Variants in CDH18 observed in about 807,000 individuals in gnomAD.
CDH18 encodes cadherin 18.
Under a neutral mutation model 67.9 loss-of-function variants are expected in CDH18, and 31 were observed. The ratio of observed to expected loss-of-function variants is 0.46; its 90% CI spans 0.34 to 0.62. The LOEUF (loss-of-function observed/expected upper bound fraction) is 0.62, where lower values mean the gene tolerates loss of function less well. Ranked by LOEUF, CDH18 falls within the 20% of genes least tolerant of loss-of-function variation. The pLI is 0.01. For missense variants in CDH18, 890 were observed against 975.5 expected (o/e 0.91, Z 1.17); for synonymous variants, 362 against 347.2 (o/e 1.04, Z -0.48).
intron 2 of CDH18, among the ~76,000 whole-genome samples, chr5:20,101,690 C>T (rs1257382611): frequency 1.3e-5 from 2 of 152,274 alleles, no homozygotes; most frequent in Admixed American, 6.5e-5. Flanking sequence ...CAAACACAGA[C>T]TAAACCATAG....
chr5:19,482,980 G>A (rs1223069478), intron 12 of CDH18, among the ~76,000 whole-genome samples: 1 of 151,998 alleles, frequency 6.6e-6, no homozygotes, highest in African/African-American at 2.4e-5. Flanking sequence ...GAATGATGCC[G>A]CTTAGATTCT....
chr5:19,548,355 T>C (rs906259534), intron 8 of CDH18, among the ~76,000 whole-genome samples: 1 of 151,904 alleles, frequency 6.6e-6, no homozygotes, highest in Non-Finnish European at 1.5e-5. Flanking sequence ...CCAGAATAAA[T>C]TGAGGCTAGA....
intron 2 of CDH18, among the ~76,000 whole-genome samples, chr5:20,062,034 C>T (rs1742532098): frequency 6.6e-6 from 1 of 151,914 alleles, no homozygotes; most frequent in African/African-American, 2.4e-5. Context: ...ATGGTGAAGG[C>T]ATTGTTATTT....
intron 1 of CDH18, among the ~76,000 whole-genome samples, chr5:20,390,994 G>C (rs1387668059): frequency 6.6e-6 from 1 of 151,950 alleles, no homozygotes; most frequent in Admixed American, 6.6e-5. Flanking sequence ...TGGGGTGGGG[G>C]AAGAGGGGAG....
intron 2 of CDH18, among the ~76,000 whole-genome samples, chr5:20,094,627 C>G (rs1352289053): frequency 1.3e-5 from 2 of 152,138 alleles, no homozygotes; most frequent in African/African-American, 4.8e-5. Flanking sequence ...TTTGTGTCCT[C>G]TCTTATTTCC....
At chr5:20,131,881 T>TTTG (rs1554094168) in intron 2 of CDH18, among the ~76,000 whole-genome samples, 8 of 152,200 alleles carry the variant, frequency 5.3e-5, no homozygotes, top group Admixed American at 2.0e-4. Flanking sequence ...AGTGTTTTTT[T>TTTG]TTGTTGTTGT....
At chr5:19,587,774 G>C (rs182950359) in intron 7 of CDH18, among the ~76,000 whole-genome samples, 6 of 151,676 alleles carry the variant, frequency 4.0e-5, no homozygotes, top group Non-Finnish European at 8.9e-5. Context: ...GGCTCTTCAG[G>C]TTTTTTGGTT....
chr5:19,502,831 A>G (rs1003147084), intron 11 of CDH18, 161 bp downstream of exon 11: 4 of 657,044 alleles, frequency 6.1e-6, no homozygotes, highest in African/African-American at 5.4e-5. Context: ...ATATGGCTCA[A>G]TTTTAAACAC....
intron 4 of CDH18, among the ~76,000 whole-genome samples, chr5:19,745,214 CA>C (rs1157491802): frequency 1.3e-5 from 2 of 152,184 alleles, no homozygotes; most frequent in African/African-American, 4.8e-5. Context: ...TTCATGCCTT[CA>C]ATCCATATAT....
intron 7 of CDH18, 55 bp downstream of exon 7, chr5:19,591,002 C>T: frequency 8.7e-7 from 1 of 1,151,646 alleles, no homozygotes. Context: ...GCCAAATTTC[C>T]ATTCAGGAAA....
chr5:19,791,257 G>A lies in CDH18; in HGVS notation c.229-44021C>T, dbSNP rs945109657. On this transcript the variant is annotated intron_variant, in intron 3 of 12. Transcript: ENST00000382275. ...TGCGTGTGGTAGTAAATATTAATAT[G>A]TGTAAAATTCCAGAGACATGACACT... 2.0e-5 allele frequency among the ~76,000 whole-genome samples: 3 copies of A among 151,744 alleles called. No individual in the cohort carries two copies. The East Asian group carries it at 5.8e-4, about 29-fold the overall frequency.
chr5:20,534,791 A>G (rs949129324), intron 1 of CDH18, among the ~76,000 whole-genome samples: 12 of 151,926 alleles, frequency 7.9e-5, no homozygotes, highest in African/African-American at 2.9e-4. Context: ...ATCCTTGATT[A>G]CTGACTTCTG....
At chr5:19,714,100 CCTT>C (rs1336704250) in intron 5 of CDH18, among the ~76,000 whole-genome samples, 3 of 152,108 alleles carry the variant, frequency 2.0e-5, no homozygotes, top group African/African-American at 7.2e-5. Context: ...TTCCATGTAA[CCTT>C]CTCTTTGTGT....
chr5:19,477,803 T>C (rs1738740836), intron 12 of CDH18, among the ~76,000 whole-genome samples: 2 of 152,180 alleles, frequency 1.3e-5, no homozygotes, highest in East Asian at 3.9e-4. Context: ...ACCAAGGTGG[T>C]GTTACAAAAA....
intron 1 of CDH18, among the ~76,000 whole-genome samples, chr5:20,449,855 C>T (rs1750297529): frequency 1.3e-5 from 2 of 151,984 alleles, no homozygotes; most frequent in South Asian, 2.1e-4. Flanking sequence ...AATTGAATTG[C>T]TAATGAGTAA....
chr5:20,086,483 A>G (rs968678555), intron 2 of CDH18, among the ~76,000 whole-genome samples: 5 of 152,206 alleles, frequency 3.3e-5, no homozygotes, highest in African/African-American at 7.2e-5. Context: ...AGAAGATTCT[A>G]TCTAGGAGTT....
intron 1 of CDH18, among the ~76,000 whole-genome samples, chr5:20,470,060 C>T (rs1751939147): frequency 1.3e-5 from 2 of 152,134 alleles, no homozygotes; most frequent in African/African-American, 2.4e-5. Flanking sequence ...TCTGGCAGCT[C>T]AACTTCCTGA....
chr5:20,120,144 G>A (rs1748237002), intron 2 of CDH18, among the ~76,000 whole-genome samples: 1 of 152,088 alleles, frequency 6.6e-6, no homozygotes, highest in East Asian at 1.9e-4. Flanking sequence ...TGAGAAAGAT[G>A]GAAAAAGAGA....
In CDH18 at chr5:20,548,478, C is replaced by CAG. The variant is rs777856631; in HGVS notation, c.-580+26983_-580+26984insCT. 8.6e-5 allele frequency among the ~76,000 whole-genome samples: 13 copies of CAG among 150,730 alleles called. 1 individual carries two copies. The East Asian group carries it at 1.4e-3, about 16-fold the overall frequency. ...GTGTGTGTGTGTGTATACACACACA[C>CAG]AAATGTATTATGTTTAATTTTTTTA... On this transcript the variant is annotated intron_variant, in intron 1 of 14. Coordinates refer to the CDH18 transcript ENST00000507958.
Sources: gnomAD v4.1 joint callset for allele counts (sites outside exome capture counted in the v4.1 genomes callset) on GRCh38, gnomAD v4.1.1 for gene constraint, MANE v1.5 for transcripts, NCBI Gene and HGNC (gene_info 2026-07-23, HGNC 2026-07-21) for gene names.